MYO1F: variants seen among roughly 807,000 people sequenced by gnomAD.
MYO1F encodes the protein myosin IF.
MYO1F carries 60 observed loss-of-function variants against 146.6 expected under a neutral mutation model. The observed-to-expected ratio is 0.41, with a 90% CI of 0.33 to 0.51. MYO1F has a LOEUF of 0.51. Ranked by LOEUF, MYO1F falls within the 20% of genes least tolerant of loss-of-function variation. The pLI is 0.25. For missense variants in MYO1F, 1,274 were observed against 1,534.3 expected, an observed-to-expected ratio of 0.83 and a Z score of 2.83; for synonymous variants, 602 against 602.1, an observed-to-expected ratio of 1.00 and a Z score of 0.00.
chr19:8,560,088 G>A (rs1974021713), intron 1 of MYO1F, among the ~76,000 whole-genome samples: 1 of 152,130 alleles, frequency 6.6e-6, no homozygotes, highest in African/African-American at 2.4e-5. Flanking sequence ...AAGGGAAACG[G>A]AGGCTGGAGA....
Position 8,521,030 on chromosome 19 carries a change from A to G in MYO1F, c.*498T>C. 1 of 251,270 alleles carries G rather than the reference A, an allele frequency of 4.0e-6. No individual in the cohort carries two copies. The highest frequency in any genetic ancestry group is 1.0e-4 in the East Asian group (1 of 9,874). The allele number at this position is 251,270 out of a possible 1,614,324, so 15.6% of individuals were successfully genotyped here. ...TCTGAACCTCCATTGTTCCACCTGTAAGATGGGGTCCTTCACAGCTCCTAC... is the reference window on the plus strand; with the variant it reads ...TCTGAACCTCCATTGTTCCACCTGTGAGATGGGGTCCTTCACAGCTCCTAC... On this transcript the variant is annotated 3_prime_UTR_variant, in exon 28 of 28. Transcript: ENST00000644032.
At chr19:8,559,341 G>A (rs1398656903) in intron 1 of MYO1F, among the ~76,000 whole-genome samples, 2 of 120,334 alleles carry the variant, frequency 1.7e-5, no homozygotes, top group East Asian at 3.1e-4. Flanking sequence ...GGGGGTGGGG[G>A]GTGGGGGGTG....
intron 19 of MYO1F, among the ~76,000 whole-genome samples, chr19:8,534,264 A>G (rs973461573): frequency 6.6e-6 from 1 of 150,902 alleles, no homozygotes; most frequent in African/African-American, 2.4e-5. Flanking sequence ...TAATTTCTTG[A>G]TTACTTTTTA....
At position 8,521,444 on chromosome 19, in the gene MYO1F, G is replaced by T. The variant is rs2145815901; in HGVS notation, c.*84C>A. On this transcript the variant is annotated 3_prime_UTR_variant, in exon 28 of 28. Coordinates refer to ENST00000644032, the MANE Select transcript of MYO1F (RefSeq NM_012335.4). ...GGCTATTGCAGCCCAGGTAAACGAG[G>T]CTCTCATTGGCAGGGCCTGGCTCCC... 8 of 1,421,626 alleles carry T rather than the reference G, an allele frequency of 5.6e-6. No individual in the cohort carries two copies. The South Asian group carries it at 8.2e-5, about 15-fold the overall frequency. 88.1% of individuals were successfully genotyped at this position (1,421,626 alleles called of 1,614,324 possible).
At chr19:8,553,577 A>G (rs1024171513) in intron 4 of MYO1F, 140 bp from the exon 5 acceptor site, 3 of 723,030 alleles carry the variant, frequency 4.1e-6, no homozygotes, top group Non-Finnish European at 7.2e-6. Flanking sequence ...AAGACAGATA[A>G]AATCTCTGCT....
chr19:8,561,404 TTCTCCTCTC>T lies in MYO1F; in HGVS notation c.4-5617_4-5609del, dbSNP rs1290390696. The stretch of plus-strand genomic sequence containing the variant: ...TTCCCCCCTTCTTTCCTTCCTTCCT[TTCTCCTCTC>T]CCTCCCTTCCTTTCTCCTCTCCCTC... On this transcript the variant is annotated intron_variant, in intron 1 of 27. Transcript: ENST00000644032. Among the ~76,000 whole-genome samples, 14 of 62,840 alleles carry T rather than the reference TTCTCCTCTC, an allele frequency of 2.2e-4. No homozygotes were observed. In the East Asian group the frequency reaches 0.023, roughly 104 times the overall value. The allele number at this position is 62,840 out of a possible 152,430, so 41.2% of individuals were successfully genotyped here.
At chr19:8,549,564 A>G (rs111876717) in intron 10 of MYO1F, 24,890 of 152,222 alleles carry the variant, frequency 0.16, 4,426 homozygotes, top group African/African-American at 0.44. Flanking sequence ...CCAGGCTGGA[A>G]TACAATAGCA....
chr19:8,561,497 TTTCTTCTCTCTCA>T (rs747132625), intron 1 of MYO1F, among the ~76,000 whole-genome samples: 271 of 145,472 alleles, frequency 1.9e-3, no homozygotes, highest in Non-Finnish European at 3.3e-3. Context: ...TTTCGTTCTC[TTTCTTCTCTCTCA>T]TTCTTCTCTC....
chr19:8,556,461 G>A (rs912977980), intron 1 of MYO1F, among the ~76,000 whole-genome samples: 2 of 146,482 alleles, frequency 1.4e-5, no homozygotes, highest in African/African-American at 5.1e-5. Flanking sequence ...GGGCAACATA[G>A]CGAGGCCCCG....
intron 1 of MYO1F, among the ~76,000 whole-genome samples, chr19:8,559,978 A>T (rs1400866014): frequency 6.8e-6 from 1 of 147,334 alleles, no homozygotes; most frequent in Admixed American, 6.8e-5. Flanking sequence ...AAAAGTAAAG[A>T]ATTAACACTC....
chr19:8,549,810 T>A (rs1973526505), intron 10 of MYO1F: 2 of 326,348 alleles, frequency 6.1e-6, no homozygotes, highest in Non-Finnish European at 5.8e-6. Flanking sequence ...TGGCCAAAAG[T>A]TTTTTTTAGA....
intron 19 of MYO1F, among the ~76,000 whole-genome samples, chr19:8,534,635 T>A (rs2145848345): frequency 6.7e-6 from 1 of 149,188 alleles, no homozygotes; most frequent in Non-Finnish European, 1.5e-5. Context: ...TACTAATTTT[T>A]TTTTTTTTGA....
chr19:8,524,949 G>A (rs182040172), intron 25 of MYO1F, among the ~76,000 whole-genome samples: 257 of 152,258 alleles, frequency 1.7e-3, no homozygotes, highest in South Asian at 4.1e-3. Flanking sequence ...GTTAATCCCA[G>A]CACTTTCGGA....
intron 13 of MYO1F, 36 bp from the exon 14 acceptor site, chr19:8,544,500 T>A: frequency 1.3e-6 from 2 of 1,552,800 alleles, no homozygotes; most frequent in Non-Finnish European, 1.7e-6. Flanking sequence ...CGGCTCAGTT[T>A]GGTCTGCCTT....
intron 11 of MYO1F, 45 bp downstream of exon 11, chr19:8,548,192 T>G: frequency 6.2e-7 from 1 of 1,610,524 alleles, no homozygotes; most frequent in Non-Finnish European, 8.5e-7. Context: ...CACCCTGGGC[T>G]GCCCCAGGGA....
At chr19:8,552,279 G>A (rs1973645946) in intron 6 of MYO1F, 115 bp from the exon 7 acceptor site, 2 of 1,093,686 alleles carry the variant, frequency 1.8e-6, no homozygotes, top group Non-Finnish European at 2.8e-6. Context: ...TTTTTTTTGA[G>A]ACAGAATCTG....
chr19:8,530,707 GA>G lies in MYO1F; in HGVS notation c.2044-135del, dbSNP rs1972452553. The G allele has an allele frequency of 1.5e-5, 11 of 722,816 alleles. No homozygotes were observed. Among genetic ancestry groups the G allele is most frequent in the Non-Finnish European group, 2.7e-5 (11 of 414,562 alleles). The allele number at this position is 722,816 out of a possible 1,614,324, so 44.8% of individuals were successfully genotyped here. A position where few individuals can be genotyped will look rare whatever the true frequency, so the allele number is the denominator to read the frequency against. On this transcript the variant is annotated intron_variant, in intron 19 of 27. Transcript: ENST00000644032. The surrounding 1 kb of genome is among the most constrained non-coding windows in gnomAD (Gnocchi z 5.8). ...CCCACACATGTGCTAATTTTTTTAA[GA>G]GGCGGGGTCTTTCTAGTGACACTCG...
chr19:8,555,430 A>G, intron 2 of MYO1F: 1 of 508,916 alleles, frequency 2.0e-6, no homozygotes. Context: ...TGGATCCGGA[A>G]TGGGGGAAAT....
rs2145926400 is a variant in MYO1F, at chr19:8,554,729, A to G, written c.156T>C (p.Ser52=). Residue 52 remains serine, a synonymous_variant, in exon 3 of 28, where the codon TCT becomes TCC. Transcript: ENST00000644032. ...MDDYIFTYIG[S]VLISVNPFKQ... is the part of the protein sequence containing the mutation. Reference sequence around the variant, plus strand: ...TGAAGGGGTTTACAGAGATGAGCACAGAGCCGATGTAGGTCTGAGGGATGG... The same window carrying G: ...TGAAGGGGTTTACAGAGATGAGCACGGAGCCGATGTAGGTCTGAGGGATGG... 1 of 1,614,014 alleles carries G rather than the reference A, an allele frequency of 6.2e-7. No individual in the cohort carries two copies. Among genetic ancestry groups the G allele is most frequent in the Non-Finnish European group, 8.5e-7 (1 of 1,179,998 alleles).
Sources: gnomAD v4.1 joint callset for allele counts (sites outside exome capture counted in the v4.1 genomes callset) on GRCh38, gnomAD v4.1.1 for gene constraint, Gnocchi (gnomAD v3.1) non-coding constraint, MANE v1.5 for transcripts, NCBI Gene and HGNC (gene_info 2026-07-23, HGNC 2026-07-21) for gene names.